MYO3A: variants seen among roughly 807,000 people sequenced by gnomAD.
MYO3A encodes the protein myosin IIIA, also known as myosin-IIIa.
A neutral mutation model predicts 192.7 loss-of-function variants in MYO3A; 180 were observed. The ratio of observed to expected loss-of-function variants is 0.93; its 90% CI spans 0.83 to 1.06. The LOEUF is 1.06. Ranked by LOEUF, MYO3A falls within the 50% of genes least tolerant of loss-of-function variation. MYO3A has a pLI of 0.00. For synonymous variants in MYO3A, 628 were observed against 645.3 expected (o/e 0.97, Z 0.41); for missense variants, 1,896 against 1,905.0 (o/e 1.00, Z 0.09).
chr10:26,164,781 A>C (rs79356191), intron 26 of MYO3A, among the ~76,000 whole-genome samples: 1 of 152,140 alleles, frequency 6.6e-6, no homozygotes, highest in African/African-American at 2.4e-5. Flanking sequence ...GAATGAGAGT[A>C]GGAAAGGTGC....
intron 26 of MYO3A, among the ~76,000 whole-genome samples, chr10:26,159,524 T>C (rs1259509445): frequency 6.7e-6 from 1 of 149,162 alleles, no homozygotes; most frequent in East Asian, 2.0e-4. Context: ...GGACTACAGG[T>C]GCCCACCACC....
chr10:26,185,248 T>G (rs4526683), intron 31 of MYO3A, among the ~76,000 whole-genome samples: 32,126 of 151,788 alleles, frequency 0.21, 3,966 homozygotes, highest in African/African-American at 0.33. Context: ...CAATGCATTT[T>G]GATTTTTAGA....
At chr10:26,169,993 T>G (rs923071994) in intron 28 of MYO3A, among the ~76,000 whole-genome samples, 2 of 152,222 alleles carry the variant, frequency 1.3e-5, no homozygotes. Context: ...GAATATATAT[T>G]TGCTCTGTAT....
chr10:26,060,825 G>C (rs1042939795), intron 10 of MYO3A, among the ~76,000 whole-genome samples: 1 of 152,172 alleles, frequency 6.6e-6, no homozygotes, highest in Non-Finnish European at 1.5e-5. Context: ...ATGATTTAAA[G>C]CTATTTTCTA....
At chr10:26,172,003 A>G (rs764936739) in intron 29 of MYO3A, among the ~76,000 whole-genome samples, 1 of 152,202 alleles carries the variant, frequency 6.6e-6, no homozygotes, top group Non-Finnish European at 1.5e-5. Flanking sequence ...AGTGTGAGTA[A>G]GAAGCTATCA....
chr10:26,173,538 T>C, intron 29 of MYO3A, 125 bp from the exon 30 acceptor site: 3 of 845,468 alleles, frequency 3.5e-6, no homozygotes, highest in Non-Finnish European at 5.5e-6. Context: ...TGATACTTTT[T>C]AATTTTGAGC....
intron 19 of MYO3A, among the ~76,000 whole-genome samples, chr10:26,126,132 C>T (rs965474632): frequency 3.9e-5 from 6 of 152,088 alleles, no homozygotes; most frequent in South Asian, 2.1e-4. Flanking sequence ...AATGGCAGGG[C>T]CATGATGTAA....
intron 4 of MYO3A, among the ~76,000 whole-genome samples, chr10:25,957,572 T>A (rs1239464400): frequency 2.0e-5 from 3 of 152,172 alleles, no homozygotes; most frequent in Non-Finnish European, 4.4e-5. Context: ...GTCTTTGTGG[T>A]AGAACAATTT....
intron 6 of MYO3A, among the ~76,000 whole-genome samples, chr10:26,013,032 C>T (rs1008643700): frequency 1.3e-5 from 2 of 151,954 alleles, no homozygotes; most frequent in African/African-American, 4.8e-5. Context: ...GAAATAGATA[C>T]CCTATTTAAT....
intron 30 of MYO3A, among the ~76,000 whole-genome samples, 187 bp from the exon 31 acceptor site, chr10:26,176,514 G>C (rs1233767017): frequency 2.0e-5 from 3 of 152,152 alleles, no homozygotes; most frequent in African/African-American, 7.2e-5. Flanking sequence ...CAAGTATTCA[G>C]AGCACAAGGG....
At chr10:26,188,987 A>G (rs2132126696) in intron 31 of MYO3A, among the ~76,000 whole-genome samples, 1 of 152,290 alleles carries the variant, frequency 6.6e-6, no homozygotes, top group African/African-American at 2.4e-5. Flanking sequence ...TTTTGGTTCC[A>G]TATGAACTTT....
At chr10:26,063,747 G>A (rs4631780) in intron 10 of MYO3A, among the ~76,000 whole-genome samples, 71,927 of 152,038 alleles carry the variant, frequency 0.47, 17,861 homozygotes, top group Middle Eastern at 0.59. Context: ...TTGGGCTGAG[G>A]AGGAAACAAC....
At chr10:26,194,302 C>T (rs77962242) in intron 32 of MYO3A, among the ~76,000 whole-genome samples, 8,049 of 152,164 alleles carry the variant, frequency 0.053, 666 homozygotes, top group African/African-American at 0.18. Context: ...AGGATGAAGT[C>T]CTGATTCCTT....
At chr10:25,954,834 G>A in intron 3 of MYO3A, 40 bp from the exon 4 acceptor site, 14 of 1,593,248 alleles carry the variant, frequency 8.8e-6, no homozygotes, top group Non-Finnish European at 1.1e-5. Flanking sequence ...ATTACTCATG[G>A]TTTTCTCACA....
At chr10:26,073,041 A>C (rs938453578) in intron 14 of MYO3A, among the ~76,000 whole-genome samples, 1 of 152,200 alleles carries the variant, frequency 6.6e-6, no homozygotes, top group Non-Finnish European at 1.5e-5. Flanking sequence ...CAGCCTGGGC[A>C]ACATAGCAAG....
At position 25,993,187 on chromosome 10, in the gene MYO3A, G is replaced by A. The variant is rs556031528; in HGVS notation, c.304-3303G>A. On this transcript the variant is annotated intron_variant, in intron 4 of 34. Coordinates refer to ENST00000642920, the MANE Select transcript of MYO3A (RefSeq NM_017433.5). ...TGTTAATTATTGCCTCAATTTCAGA[G>A]CCTGTTATTGGTCTATTCAGAGATT... Among the ~76,000 whole-genome samples, 8 of 152,178 alleles carry A rather than the reference G, an allele frequency of 5.3e-5. No individual in the cohort carries two copies. In the East Asian group the frequency reaches 1.5e-3, roughly 29 times the overall value.
intron 10 of MYO3A, among the ~76,000 whole-genome samples, chr10:26,037,622 C>T (rs1321513910): frequency 6.6e-6 from 1 of 152,070 alleles, no homozygotes; most frequent in Non-Finnish European, 1.5e-5. Context: ...GGTCTTGGCA[C>T]CTGTATTAGA....
At chr10:25,960,048 C>A (rs2130635896) in intron 4 of MYO3A, among the ~76,000 whole-genome samples, 1 of 152,202 alleles carries the variant, frequency 6.6e-6, no homozygotes, top group Admixed American at 6.5e-5. Flanking sequence ...TTTGTGGCTT[C>A]CTCTGCACTG....
At chr10:25,948,392 G>A (rs1836998267) in intron 2 of MYO3A, among the ~76,000 whole-genome samples, 1 of 152,056 alleles carries the variant, frequency 6.6e-6, no homozygotes, top group Non-Finnish European at 1.5e-5. Flanking sequence ...TCAAAAAGAT[G>A]AGTATTCATT....
Sources: allele counts gnomAD v4.1 joint callset (sites outside exome capture counted in the v4.1 genomes callset), GRCh38; gene constraint gnomAD v4.1.1; transcripts MANE v1.5; gene names NCBI Gene and HGNC (gene_info 2026-07-23, HGNC 2026-07-21).